The following AFF3 variants were observed in gnomAD, a reference collection of about 807,000 sequenced individuals.
AFF3 encodes AF4/FMR2 family member 3.
Under a neutral mutation model 129.7 loss-of-function variants are expected in AFF3, and 32 were observed. That is an observed-to-expected ratio of 0.25 (90% CI 0.19 to 0.33). AFF3 has a LOEUF of 0.33. Ranked by LOEUF, AFF3 falls within the 10% of genes least tolerant of loss-of-function variation. The pLI is 1.00. For missense variants in AFF3, 1,373 were observed against 1,592.0 expected (o/e 0.86, Z 2.34); for synonymous variants, 644 against 635.4 (o/e 1.01, Z -0.20).
chr2:99,698,111 A>C (rs984978828), intron 11 of AFF3, among the ~76,000 whole-genome samples: 28 of 152,302 alleles, frequency 1.8e-4, no homozygotes, highest in African/African-American at 6.3e-4. Flanking sequence ...AAGTTTCAAG[A>C]GCTAGCCCAT....
chr2:99,860,712 T>C (rs2105912964), intron 7 of AFF3, among the ~76,000 whole-genome samples: 1 of 147,302 alleles, frequency 6.8e-6, no homozygotes, highest in Middle Eastern at 3.5e-3. Context: ...GCAACAAGAG[T>C]AAAACTCCGT....
chr2:99,663,205 CA>C (rs1686396134), intron 12 of AFF3, among the ~76,000 whole-genome samples: 1 of 152,144 alleles, frequency 6.6e-6, no homozygotes, highest in African/African-American at 2.4e-5. Flanking sequence ...GAAGAGCTTC[CA>C]TTACAATTGG....
At chr2:99,982,281 G>T (rs1013178833) in intron 7 of AFF3, among the ~76,000 whole-genome samples, 1 of 152,178 alleles carries the variant, frequency 6.6e-6, no homozygotes, top group South Asian at 2.1e-4. Context: ...TCTCGTGATA[G>T]TGCATGGGTC....
chr2:99,711,546 C>T (rs1575763626), intron 11 of AFF3, among the ~76,000 whole-genome samples: 1 of 152,026 alleles, frequency 6.6e-6, no homozygotes, highest in Admixed American at 6.6e-5. Context: ...GGAAGGTGGG[C>T]GGGCTTCAGT....
chr2:99,934,041 C>T (rs894127564), intron 7 of AFF3, among the ~76,000 whole-genome samples: 4 of 152,140 alleles, frequency 2.6e-5, no homozygotes, highest in East Asian at 1.9e-4. Context: ...GGCAGCCAGT[C>T]ATTTCTCTAG....
intron 11 of AFF3, among the ~76,000 whole-genome samples, chr2:99,706,052 A>C (rs971809048): frequency 6.6e-6 from 1 of 152,020 alleles, no homozygotes; most frequent in Non-Finnish European, 1.5e-5. Context: ...TCCCTGGTAG[A>C]GGGGGCCCAG....
chr2:99,843,300 CACCTAACCTGT>C (rs1022558118), intron 7 of AFF3, among the ~76,000 whole-genome samples: 1 of 152,190 alleles, frequency 6.6e-6, no homozygotes, highest in Non-Finnish European at 1.5e-5. Context: ...GCCTGTCTCA[CACCTAACCTGT>C]ACCATCCCCT....
chr2:100,138,068 C>A (rs927560952), intron 1 of AFF3, among the ~76,000 whole-genome samples: 2 of 152,180 alleles, frequency 1.3e-5, no homozygotes, highest in African/African-American at 4.8e-5. Flanking sequence ...AACAAGCCAG[C>A]CTCCACTCAG....
chr2:99,878,715 C>T (rs1466205054), intron 7 of AFF3, among the ~76,000 whole-genome samples: 1 of 152,134 alleles, frequency 6.6e-6, no homozygotes, highest in Non-Finnish European at 1.5e-5. Flanking sequence ...TCACCAAACT[C>T]TTGATTTGGA....
chr2:99,708,743 A>C (rs1393608895), intron 11 of AFF3, among the ~76,000 whole-genome samples: 1 of 152,178 alleles, frequency 6.6e-6, no homozygotes, highest in Admixed American at 6.5e-5. Context: ...AAAAATATTG[A>C]TATGCTTCTG....
chr2:100,079,782 T>C (rs1298053031), intron 4 of AFF3, among the ~76,000 whole-genome samples: 1 of 152,162 alleles, frequency 6.6e-6, no homozygotes, highest in Non-Finnish European at 1.5e-5. Context: ...CTGAAGCTTA[T>C]TTTTCTCAGG....
At chr2:100,119,067 G>T (rs1263962643) in intron 2 of AFF3, among the ~76,000 whole-genome samples, 1 of 152,214 alleles carries the variant, frequency 6.6e-6, no homozygotes, top group African/African-American at 2.4e-5. Flanking sequence ...CCCCCGAAGT[G>T]CTGGGATTAC....
intron 1 of AFF3, among the ~76,000 whole-genome samples, chr2:100,137,441 T>A (rs13000759): frequency 0.21 from 31,592 of 152,162 alleles, 4,055 homozygotes; most frequent in East Asian, 0.57. Flanking sequence ...TTGTAACACA[T>A]GGGATGTTTT....
chr2:99,822,033 T>C (rs927806693), intron 8 of AFF3, among the ~76,000 whole-genome samples: 3 of 152,154 alleles, frequency 2.0e-5, no homozygotes, highest in Admixed American at 2.0e-4. Flanking sequence ...AATATTGATA[T>C]TTTAAAAAAA....
chr2:100,039,526 T>C (rs1279791089), intron 4 of AFF3, among the ~76,000 whole-genome samples: 1 of 152,006 alleles, frequency 6.6e-6, no homozygotes, highest in Non-Finnish European at 1.5e-5. Context: ...CACTGCACTC[T>C]AGCCTGGAAG....
At chr2:99,640,387 G>A (rs956990860) in intron 13 of AFF3, among the ~76,000 whole-genome samples, 1 of 151,942 alleles carries the variant, frequency 6.6e-6, no homozygotes, top group African/African-American at 2.4e-5. Context: ...CATATGGAGG[G>A]AGAAAGGAAG....
chr2:100,031,593 T>G (rs1684499225), intron 4 of AFF3, among the ~76,000 whole-genome samples: 1 of 152,164 alleles, frequency 6.6e-6, no homozygotes, highest in Non-Finnish European at 1.5e-5. Context: ...ATTCTAGGAC[T>G]GGGGCAAAAA....
At chr2:100,094,417 C>T (rs1376666054) in intron 4 of AFF3, among the ~76,000 whole-genome samples, 1 of 152,110 alleles carries the variant, frequency 6.6e-6, no homozygotes, top group Admixed American at 6.5e-5. Context: ...CCCACACATG[C>T]TCGGTTCACT....
chr2:99,783,789 A>G (rs1477879560), intron 8 of AFF3, among the ~76,000 whole-genome samples: 1 of 152,218 alleles, frequency 6.6e-6, no homozygotes, highest in Non-Finnish European at 1.5e-5. Flanking sequence ...CCACTTTTCT[A>G]AAATATTTTA....
Sources: allele counts gnomAD v4.1 joint callset (sites outside exome capture counted in the v4.1 genomes callset), GRCh38; gene constraint gnomAD v4.1.1; transcripts MANE v1.5; gene names NCBI Gene and HGNC (gene_info 2026-07-23, HGNC 2026-07-21).